KIF13A: variants seen among roughly 807,000 people sequenced by gnomAD.
The protein encoded by KIF13A is kinesin family member 13A.
KIF13A carries 79 observed loss-of-function variants against 212.2 expected under a neutral mutation model. The observed-to-expected ratio is 0.37, with a 90% CI of 0.31 to 0.45. The LOEUF (loss-of-function observed/expected upper bound fraction) is 0.45. Ranked by LOEUF, KIF13A falls within the 20% of genes least tolerant of loss-of-function variation. The pLI, the probability that KIF13A is intolerant of heterozygous loss-of-function variation, is 1.00. For synonymous variants in KIF13A, 789 were observed against 808.6 expected (o/e 0.98, Z 0.41); for missense variants, 1,901 against 2,209.0 (o/e 0.86, Z 2.79).
At chr6:17,796,901 T>A in intron 22 of KIF13A, 81 bp from the exon 23 acceptor site, 1 of 917,616 alleles carries the variant, frequency 1.1e-6, no homozygotes, top group Non-Finnish European at 1.5e-6. Context: ...ACTGTTATAT[T>A]TATTTTAGAG....
chr6:17,804,671 G>A (rs1363275346), intron 19 of KIF13A, among the ~76,000 whole-genome samples, 161 bp from the exon 20 acceptor site: 1 of 151,336 alleles, frequency 6.6e-6, no homozygotes, highest in Admixed American at 6.6e-5. Context: ...AAATTAGCTG[G>A]GCGTGGTGGC....
chr6:17,953,557 T>C (rs1444059114), intron 2 of KIF13A: 1 of 152,224 alleles, frequency 6.6e-6, no homozygotes, highest in Non-Finnish European at 1.5e-5. Flanking sequence ...CTATCACCAG[T>C]AAACCACCGG....
rs1765164247 is a variant in KIF13A at position 17,828,508 on chromosome 6, T to G, written c.1402-138A>C. ...ATCCTGCCAGAGATGTTAAATATCT[T>G]AAGCATTAAAAGTAAAACGCTTACC... is the stretch of plus-strand genomic sequence containing the variant. On this transcript the variant is annotated intron_variant, in intron 13 of 38. Transcript: ENST00000259711. The surrounding 1 kb of genome is among the most constrained non-coding windows in gnomAD (Gnocchi z 4.3). 2 of 681,164 alleles carry G rather than the reference T, an allele frequency of 2.9e-6. No individual in the cohort carries two copies. Among genetic ancestry groups the G allele is most frequent in the Non-Finnish European group, 4.6e-6 (2 of 434,470 alleles). 42.2% of individuals were successfully genotyped at this position (681,164 alleles called of 1,614,324 possible). A position where few individuals can be genotyped will look rare whatever the true frequency, so the allele number is the denominator to read the frequency against.
intron 2 of KIF13A, among the ~76,000 whole-genome samples, chr6:17,978,803 C>T (rs571223506): frequency 2.6e-5 from 4 of 152,210 alleles, no homozygotes; most frequent in Admixed American, 2.6e-4. Context: ...AAATGGAAGA[C>T]AATTCAAGTT....
At chr6:17,930,648 C>T (rs1023997855) in intron 2 of KIF13A, among the ~76,000 whole-genome samples, 2 of 152,144 alleles carry the variant, frequency 1.3e-5, no homozygotes, top group Middle Eastern at 3.2e-3. Flanking sequence ...CCATAACCTT[C>T]CCTGGGACAG....
Position 17,825,275 on chromosome 6 carries a change from T to C in KIF13A, c.1786+493A>G, listed in dbSNP as rs1002032575. Among the ~76,000 whole-genome samples, 5 of 152,244 alleles carry C rather than the reference T, an allele frequency of 3.3e-5. No homozygotes were observed. Among genetic ancestry groups the C allele is most frequent in the Non-Finnish European group, 5.9e-5 (4 of 68,032 alleles). On this transcript the variant is annotated intron_variant, in intron 16 of 38. Transcript: ENST00000259711. This position sits in a 1 kb window ranked among gnomAD's most constrained non-coding sequence, Gnocchi z 4.5. ...GCTATAAAGCATTTCATTTTCACTA[T>C]CATTTTTGTAAAAGTGATCTGGGCT...
chr6:17,760,961 C>T, downstream of KIF13A: 1 of 1,394,242 alleles, frequency 7.2e-7, no homozygotes, highest in East Asian at 2.3e-5. Context: ...GCCCAGTCCA[C>T]ACCCATCACA....
At chr6:17,885,922 AT>A (rs1383790228) in intron 3 of KIF13A, among the ~76,000 whole-genome samples, 8 of 152,292 alleles carry the variant, frequency 5.3e-5, no homozygotes, top group Admixed American at 2.0e-4. Context: ...AATCTGTGGT[AT>A]TTCCAGTTCT....
chr6:17,927,683 C>T (rs1775607439), intron 2 of KIF13A, among the ~76,000 whole-genome samples: 1 of 152,104 alleles, frequency 6.6e-6, no homozygotes, highest in East Asian at 1.9e-4. Flanking sequence ...GTATATTTTG[C>T]CACAATAAAA....
intron 2 of KIF13A, chr6:17,950,647 A>C (rs1228882644): frequency 5.2e-5 from 51 of 985,082 alleles, no homozygotes; most frequent in Non-Finnish European, 5.8e-5. Context: ...ACTATCTCTC[A>C]ATCTGAGGAA....
At chr6:17,868,364 C>T (rs539614257) in intron 4 of KIF13A, among the ~76,000 whole-genome samples, 2 of 152,278 alleles carry the variant, frequency 1.3e-5, no homozygotes, top group East Asian at 3.9e-4. Context: ...GCTTTAATTG[C>T]AATCAGCAGT....
intron 20 of KIF13A, among the ~76,000 whole-genome samples, chr6:17,802,258 G>A (rs9396805): frequency 6.6e-6 from 1 of 151,684 alleles, no homozygotes; most frequent in East Asian, 1.9e-4. Flanking sequence ...GGGAAGAAAG[G>A]AAATAAAAGA....
intron 2 of KIF13A, among the ~76,000 whole-genome samples, chr6:17,939,825 G>T (rs576032080): frequency 1.3e-5 from 2 of 152,148 alleles, no homozygotes; most frequent in South Asian, 4.2e-4. Context: ...GGCGGAGGCG[G>T]GTGGATGACT....
intron 9 of KIF13A, among the ~76,000 whole-genome samples, chr6:17,840,323 AG>A (rs1234025281): frequency 6.6e-6 from 1 of 152,228 alleles, no homozygotes. Context: ...ATGTGATAAT[AG>A]AGGCAAGTAG....
chr6:17,987,276 G>C lies in KIF13A; in HGVS notation c.56-132C>G, dbSNP rs1019191151. On this transcript the variant is annotated intron_variant, in intron 1 of 38. Coordinates refer to ENST00000259711, the MANE Select transcript of KIF13A (RefSeq NM_022113.6). This position sits in a 1 kb window ranked among gnomAD's most constrained non-coding sequence, Gnocchi z 7.7. The stretch of plus-strand genomic sequence containing the variant: ...CTGGAGACGGCGCCCCGGGCACCAC[G>C]GCCAGCGCGGACGCCGCCTCCGCCC... The C allele has an allele frequency of 8.3e-6, 7 of 847,304 alleles. No homozygotes were observed. Among genetic ancestry groups the C allele is most frequent in the African/African-American group, 7.4e-5 (4 of 54,354 alleles). The allele number at this position is 847,304 out of a possible 1,614,324, so 52.5% of individuals were successfully genotyped here.
Position 17,831,229 on chromosome 6 carries a change from G to A in KIF13A, c.1273C>T (p.Gln425Ter). Residue 425 changes from glutamine to a stop codon, truncating the protein, a stop_gained, in exon 13 of 39, where the codon CAA becomes TAA. Transcript: ENST00000259711. LOFTEE classifies it high-confidence loss of function. The stretch of plus-strand genomic sequence containing the variant: ...ATCCCCATGCTTTCAAGTTGTCGTT[G>A]TCTTTCCTGTGCACAAAAACAGACA... ...RKTEEIAQER[Q>*]RQLESMGISL... The A allele has an allele frequency of 6.2e-7, 1 of 1,610,868 alleles. No homozygotes were observed. The highest frequency in any genetic ancestry group is 8.5e-7 in the Non-Finnish European group (1 of 1,179,030).
At chr6:17,840,490 C>T (rs1407948400) in intron 9 of KIF13A, among the ~76,000 whole-genome samples, 2 of 151,956 alleles carry the variant, frequency 1.3e-5, no homozygotes, top group Non-Finnish European at 2.9e-5. Context: ...TATTTTAATT[C>T]ACACAAGCTC....
intron 16 of KIF13A, among the ~76,000 whole-genome samples, chr6:17,819,332 G>C (rs1764230040): frequency 6.6e-6 from 1 of 152,150 alleles, no homozygotes; most frequent in African/African-American, 2.4e-5. Context: ...GGGAAGCTGA[G>C]GTGGGCGATC....
chr6:17,929,064 A>AC (rs1487473762), intron 2 of KIF13A, among the ~76,000 whole-genome samples: 2 of 106,098 alleles, frequency 1.9e-5, no homozygotes, highest in Non-Finnish European at 4.1e-5. Context: ...TTTCTCAAAA[A>AC]AAAAAAAAAA....
Sources: allele counts gnomAD v4.1 joint callset (sites outside exome capture counted in the v4.1 genomes callset), GRCh38; gene constraint gnomAD v4.1.1; non-coding constraint Gnocchi (gnomAD v3.1); transcripts MANE v1.5; gene names NCBI Gene and HGNC (gene_info 2026-07-23, HGNC 2026-07-21).